Variants in PLPPR1 observed in about 807,000 individuals in gnomAD.
The protein encoded by PLPPR1 is phospholipid phosphatase related 1.
PLPPR1 carries 10 observed loss-of-function variants against 33.1 expected under a neutral mutation model. That is an observed-to-expected ratio of 0.30 (90% CI 0.19 to 0.51). The LOEUF (loss-of-function observed/expected upper bound fraction) is 0.51. Ranked by LOEUF, PLPPR1 falls within the 20% of genes least tolerant of loss-of-function variation. The pLI is 0.97. For missense variants in PLPPR1, 304 were observed against 408.1 expected (o/e 0.74, Z 2.20); for synonymous variants, 151 against 151.0 (o/e 1.00, Z 0.00).
At chr9:101,298,016 C>T (rs1418000) in intron 4 of PLPPR1, among the ~76,000 whole-genome samples, 150,002 of 152,350 alleles carry the variant, frequency 0.98, 73,852 homozygotes, top group East Asian at 1. Context: ...AATTATTAAA[C>T]AGTAACTTTT....
intron 2 of PLPPR1, among the ~76,000 whole-genome samples, chr9:101,204,626 A>G (rs548941419): frequency 7.0e-4 from 107 of 152,078 alleles, no homozygotes; most frequent in South Asian, 4.6e-3. Flanking sequence ...CTGGAGACCA[A>G]CCCCACTCCA....
intron 1 of PLPPR1, among the ~76,000 whole-genome samples, chr9:101,179,283 A>G (rs569121072): frequency 6.6e-6 from 1 of 152,216 alleles, no homozygotes; most frequent in Admixed American, 6.5e-5. Context: ...GGGTCACACC[A>G]TCAGGAAAAA....
intron 2 of PLPPR1, among the ~76,000 whole-genome samples, chr9:101,196,003 C>T (rs1826387668): frequency 6.6e-6 from 1 of 152,184 alleles, no homozygotes; most frequent in Non-Finnish European, 1.5e-5. Flanking sequence ...AGCATCTTGT[C>T]TAATGCAGTG....
intron 1 of PLPPR1, among the ~76,000 whole-genome samples, chr9:101,062,207 C>T (rs992333384): frequency 6.7e-6 from 1 of 150,296 alleles, no homozygotes; most frequent in African/African-American, 2.4e-5. Flanking sequence ...CCTTCACAAA[C>T]CTGAGCATTT....
At chr9:101,108,303 G>C (rs1831004436) in intron 1 of PLPPR1, among the ~76,000 whole-genome samples, 1 of 152,150 alleles carries the variant, frequency 6.6e-6, no homozygotes, top group Admixed American at 6.5e-5. Context: ...TCTGTCTATG[G>C]ACCAGGAGTT....
At chr9:101,159,866 A>G (rs574758471) in intron 1 of PLPPR1, among the ~76,000 whole-genome samples, 1 of 152,206 alleles carries the variant, frequency 6.6e-6, no homozygotes, top group African/African-American at 2.4e-5. Context: ...TAACCTTTGC[A>G]TGTCATTTTC....
At chr9:101,262,334 T>A (rs546001803) in intron 2 of PLPPR1, among the ~76,000 whole-genome samples, 1 of 152,362 alleles carries the variant, frequency 6.6e-6, no homozygotes, top group South Asian at 2.1e-4. Context: ...ATCTGTCCTG[T>A]ACTCTTAACC....
intron 4 of PLPPR1, among the ~76,000 whole-genome samples, chr9:101,302,281 G>T (rs751871796): frequency 2.6e-5 from 4 of 152,108 alleles, no homozygotes; most frequent in Non-Finnish European, 5.9e-5. Context: ...ATTATTACCT[G>T]GTATCCATGG....
intron 1 of PLPPR1, among the ~76,000 whole-genome samples, chr9:101,147,041 C>A (rs556699152): frequency 6.6e-6 from 1 of 152,242 alleles, no homozygotes; most frequent in South Asian, 2.1e-4. Context: ...TACCTGATAA[C>A]GTTAAAACTA....
At chr9:101,076,714 T>A (rs978238635) in intron 1 of PLPPR1, among the ~76,000 whole-genome samples, 2 of 152,222 alleles carry the variant, frequency 1.3e-5, no homozygotes, top group Non-Finnish European at 1.5e-5. Flanking sequence ...AGTTATTAAT[T>A]AATATTAGTT....
At chr9:101,077,880 A>G (rs1197965338) in intron 1 of PLPPR1, among the ~76,000 whole-genome samples, 1 of 151,738 alleles carries the variant, frequency 6.6e-6, no homozygotes, top group East Asian at 2.0e-4. Context: ...GGAAGCAGAT[A>G]TGGGTTCTGT....
Position 101,324,015 on chromosome 9 carries a change from T to C in PLPPR1, c.946-10T>C. On this transcript the variant is annotated splice_polypyrimidine_tract_variant and intron_variant, in intron 7 of 7. Coordinates refer to ENST00000374874, the MANE Select transcript of PLPPR1 (RefSeq NM_207299.2). ...ATCTCAGATTTTATCTGCTTGTGTT[T>C]GCTCCACAGAATCACTCTGCGTCCA... 1 of 1,612,064 alleles carries C rather than the reference T, an allele frequency of 6.2e-7. No homozygotes were observed. The highest frequency in any genetic ancestry group is 1.1e-5 in the South Asian group (1 of 90,960).
At chr9:101,314,945 T>C (rs1829026036) in intron 6 of PLPPR1, among the ~76,000 whole-genome samples, 1 of 151,820 alleles carries the variant, frequency 6.6e-6, no homozygotes. Flanking sequence ...TTAGGAACTT[T>C]CCTGAGGAAC....
chr9:101,260,323 TTAGCAGCAGGGTAAATGA>T (rs1444687757), intron 2 of PLPPR1, among the ~76,000 whole-genome samples: 4 of 152,098 alleles, frequency 2.6e-5, no homozygotes, highest in African/African-American at 9.7e-5. Context: ...GGTTAACTCT[TTAGCAGCAGGGTAAATGA>T]TGGCACGGAG....
At chr9:101,273,478 G>T (rs1828135451) in intron 3 of PLPPR1, among the ~76,000 whole-genome samples, 1 of 152,170 alleles carries the variant, frequency 6.6e-6, no homozygotes, top group Non-Finnish European at 1.5e-5. Context: ...CACCTGAGCT[G>T]TATTGTTCTG....
chr9:101,267,688 T>C (rs1317369906), intron 2 of PLPPR1, among the ~76,000 whole-genome samples: 5 of 152,108 alleles, frequency 3.3e-5, no homozygotes, highest in Admixed American at 3.3e-4. Context: ...TAAACACCTT[T>C]AGATAAGATG....
intron 2 of PLPPR1, among the ~76,000 whole-genome samples, chr9:101,248,889 T>C (rs1827661106): frequency 6.6e-6 from 1 of 152,082 alleles, no homozygotes. Flanking sequence ...AGAAAGACTT[T>C]CTGAGGCCAA....
At chr9:101,120,765 T>C (rs1831169900) in intron 1 of PLPPR1, among the ~76,000 whole-genome samples, 1 of 152,210 alleles carries the variant, frequency 6.6e-6, no homozygotes, top group South Asian at 2.1e-4. Context: ...TAAGAATCTC[T>C]GTATTCTGGA....
chr9:101,060,573 T>C (rs1156499738), intron 1 of PLPPR1, among the ~76,000 whole-genome samples: 2 of 151,906 alleles, frequency 1.3e-5, no homozygotes, highest in Non-Finnish European at 2.9e-5. Flanking sequence ...TCACCATACA[T>C]GAATATGTAT....
Sources: allele counts gnomAD v4.1 joint callset (sites outside exome capture counted in the v4.1 genomes callset), GRCh38; gene constraint gnomAD v4.1.1; transcripts MANE v1.5; gene names NCBI Gene and HGNC (gene_info 2026-07-23, HGNC 2026-07-21).